The following DPP10 variants were observed in gnomAD, a reference collection of about 807,000 sequenced individuals.
The protein encoded by DPP10 is inactive dipeptidyl peptidase 10.
Under a neutral mutation model 120.9 loss-of-function variants are expected in DPP10, and 33 were observed. That is an observed-to-expected ratio of 0.27 (90% CI 0.21 to 0.37). DPP10 has a LOEUF of 0.37. Ranked by LOEUF, DPP10 falls within the 10% of genes least tolerant of loss-of-function variation. The pLI is 1.00. For missense variants in DPP10, 816 were observed against 942.8 expected (o/e 0.87, Z 1.76); for synonymous variants, 337 against 326.1 (o/e 1.03, Z -0.36).
chr2:114,978,336 G>A (rs931053133), intron 1 of DPP10, among the ~76,000 whole-genome samples: 1 of 152,164 alleles, frequency 6.6e-6, no homozygotes, highest in African/African-American at 2.4e-5. Flanking sequence ...GTCTCATTCA[G>A]TAGGTCGGGG....
intron 2 of DPP10, among the ~76,000 whole-genome samples, chr2:115,313,080 G>T (rs567308373): frequency 3.3e-5 from 5 of 151,964 alleles, no homozygotes; most frequent in Non-Finnish European, 2.9e-5. Context: ...AAAATGAGCC[G>T]GGCATGGTGG....
chr2:115,131,341 C>T (rs1034260523), intron 1 of DPP10, among the ~76,000 whole-genome samples: 3 of 152,066 alleles, frequency 2.0e-5, no homozygotes. Context: ...ATGGCGAGAC[C>T]CTGTCTCTAC....
At chr2:114,775,191 A>G (rs1681618672) in intron 1 of DPP10, among the ~76,000 whole-genome samples, 1 of 152,162 alleles carries the variant, frequency 6.6e-6, no homozygotes, top group African/African-American at 2.4e-5. Context: ...ATAATAATGT[A>G]GTCACTACTG....
rs112422236 is a variant in DPP10, at chr2:115,438,745, A to G, written c.272-60765A>G. On this transcript the variant is annotated intron_variant, in intron 3 of 25. Transcript: ENST00000410059. ...TGGCTAAGATGGTCATGGAAGCACA[A>G]TGTGGAATAGTGGCTAAGATGGTCA... Among the ~76,000 whole-genome samples the G allele has an allele frequency of 5.7e-3, 721 of 126,830 alleles. 7 individuals carry two copies. Among genetic ancestry groups the G allele is most frequent in the East Asian group, 0.03 (116 of 3,924 alleles). 83.2% of individuals were successfully genotyped at this position (126,830 alleles called of 152,430 possible).
intron 1 of DPP10, among the ~76,000 whole-genome samples, chr2:114,949,765 G>T (rs145013087): frequency 4.6e-5 from 7 of 152,316 alleles, no homozygotes; most frequent in African/African-American, 7.2e-5. Flanking sequence ...ACTTCACCCA[G>T]TACAATGGGG....
At chr2:114,680,640 C>A (rs1355485937) in intron 1 of DPP10, among the ~76,000 whole-genome samples, 2 of 151,922 alleles carry the variant, frequency 1.3e-5, no homozygotes, top group African/African-American at 4.8e-5. Context: ...TGAAATAATT[C>A]TTCATAAGTG....
At chr2:114,716,902 C>T (rs1387285237) in intron 1 of DPP10, among the ~76,000 whole-genome samples, 1 of 152,196 alleles carries the variant, frequency 6.6e-6, no homozygotes, top group Non-Finnish European at 1.5e-5. Context: ...ATATTGAAGA[C>T]AGTTGCCTAC....
chr2:115,432,659 T>TTGTGTGTCTG (rs2071105382), intron 3 of DPP10, among the ~76,000 whole-genome samples: 1 of 137,672 alleles, frequency 7.3e-6, no homozygotes, highest in South Asian at 2.4e-4. Context: ...ATAGGCAATT[T>TTGTGTGTCTG]TGTGTGTGTG....
chr2:114,843,091 G>A (rs186449575), intron 1 of DPP10, among the ~76,000 whole-genome samples: 12 of 152,250 alleles, frequency 7.9e-5, no homozygotes, highest in Admixed American at 4.6e-4. Context: ...ACGTGTTTGA[G>A]ACTCTTGCTA....
At chr2:114,448,561 C>T (rs1356770053) in intron 1 of DPP10, among the ~76,000 whole-genome samples, 1 of 152,152 alleles carries the variant, frequency 6.6e-6, no homozygotes, top group African/African-American at 2.4e-5. Context: ...TCTACTTAGA[C>T]CTACTAAGTC....
chr2:115,769,217 T>G (rs1418085236), intron 13 of DPP10, among the ~76,000 whole-genome samples: 2 of 152,060 alleles, frequency 1.3e-5, no homozygotes, highest in East Asian at 3.8e-4. Context: ...GTGGCTAAAC[T>G]GGGATCTTCA....
intron 1 of DPP10, among the ~76,000 whole-genome samples, chr2:114,460,430 A>G (rs1307233375): frequency 6.6e-6 from 1 of 152,166 alleles, no homozygotes; most frequent in Admixed American, 6.6e-5. Flanking sequence ...CTTCCTAGAG[A>G]AAAAGCTCCT....
At chr2:114,992,622 C>T (rs1012196742) in intron 1 of DPP10, among the ~76,000 whole-genome samples, 1 of 152,122 alleles carries the variant, frequency 6.6e-6, no homozygotes, top group African/African-American at 2.4e-5. Flanking sequence ...GATTTTTGCA[C>T]CCAAGTTGAC....
chr2:115,156,571 A>G (rs1315514638), intron 1 of DPP10, among the ~76,000 whole-genome samples: 1 of 152,206 alleles, frequency 6.6e-6, no homozygotes, highest in Non-Finnish European at 1.5e-5. Flanking sequence ...CTAGAATGGG[A>G]AATGTGTTTT....
intron 1 of DPP10, among the ~76,000 whole-genome samples, chr2:115,140,622 G>A (rs1344734651): frequency 1.3e-5 from 2 of 152,178 alleles, no homozygotes; most frequent in African/African-American, 4.8e-5. Context: ...CAGACCAAGG[G>A]TGCTAAGAGT....
intron 5 of DPP10, among the ~76,000 whole-genome samples, chr2:115,670,727 A>G (rs535091517): frequency 1.3e-5 from 2 of 152,144 alleles, no homozygotes; most frequent in Admixed American, 6.6e-5. Flanking sequence ...CATTTAAAAT[A>G]TATTCTATCA....
intron 1 of DPP10, among the ~76,000 whole-genome samples, chr2:114,864,257 C>T (rs1387993372): frequency 6.6e-6 from 1 of 151,310 alleles, no homozygotes; most frequent in Admixed American, 6.6e-5. Context: ...GTGAAATTTG[C>T]AGTGAATACA....
At chr2:114,758,468 C>A (rs1262347431) in intron 1 of DPP10, among the ~76,000 whole-genome samples, 1 of 152,182 alleles carries the variant, frequency 6.6e-6, no homozygotes, top group African/African-American at 2.4e-5. Flanking sequence ...TAATTTATCA[C>A]CCCTCCTCAT....
intron 5 of DPP10, among the ~76,000 whole-genome samples, chr2:115,620,956 A>G (rs10191843): frequency 0.38 from 57,462 of 151,990 alleles, 11,555 homozygotes; most frequent in African/African-American, 0.5. Flanking sequence ...AAATAACTCA[A>G]ATCTTAAAAA....
Sources: allele counts gnomAD v4.1 joint callset (sites outside exome capture counted in the v4.1 genomes callset), GRCh38; gene constraint gnomAD v4.1.1; transcripts MANE v1.5; gene names NCBI Gene and HGNC (gene_info 2026-07-23, HGNC 2026-07-21).